Variants in RABL6 observed in about 807,000 individuals in gnomAD.
The protein encoded by RABL6 is RAB, member RAS oncogene family like 6, also known as rab-like protein 6.
A neutral mutation model predicts 72.9 loss-of-function variants in RABL6; 28 were observed. The observed-to-expected ratio is 0.38, with a 90% CI of 0.28 to 0.53. RABL6 has a LOEUF of 0.53. Among genes scored for constraint, RABL6 ranks in the 20% least tolerant of loss-of-function variants. The pLI is 0.80. For missense variants in RABL6, 1,029 were observed against 1,008.4 expected, an observed-to-expected ratio of 1.02 and a Z score of -0.28; for synonymous variants, 477 against 421.2, an observed-to-expected ratio of 1.13 and a Z score of -1.62.
intron 7 of RABL6, 53 bp downstream of exon 7, chr9:136,832,423 AG>A: frequency 3.6e-6 from 5 of 1,397,752 alleles, no homozygotes; most frequent in Non-Finnish European, 5.1e-6. Context: ...ACCTCCTTCC[AG>A]GTGTCTCCTG....
At chr9:136,838,453 C>G (rs1162876472) in intron 10 of RABL6, among the ~76,000 whole-genome samples, 1 of 152,236 alleles carries the variant, frequency 6.6e-6, no homozygotes, top group Non-Finnish European at 1.5e-5. Flanking sequence ...CCTCCCACCA[C>G]TCTGTCTGCC....
chr9:136,838,444 C>T (rs1454537676), intron 10 of RABL6, among the ~76,000 whole-genome samples: 2 of 152,210 alleles, frequency 1.3e-5, no homozygotes, highest in African/African-American at 4.8e-5. Context: ...CTGCCAGCCC[C>T]TCCCACCACT....
intron 1 of RABL6, chr9:136,813,817 G>A (rs1848063354): frequency 9.8e-6 from 2 of 205,052 alleles, no homozygotes; most frequent in Non-Finnish European, 9.9e-6. Flanking sequence ...GGGTTTCACC[G>A]TGTTAGCCAG....
At chr9:136,822,007 G>C (rs765228031) in intron 1 of RABL6, 20 of 1,289,756 alleles carry the variant, frequency 1.6e-5, no homozygotes, top group Non-Finnish European at 2.0e-5. Context: ...ACCTAGGATG[G>C]GCGAGGAAAT....
intron 7 of RABL6, chr9:136,834,557 T>C (rs189673564): frequency 8.8e-6 from 7 of 799,042 alleles, no homozygotes; most frequent in Admixed American, 6.2e-5. Flanking sequence ...TGCCTCACTG[T>C]AACCTCTGCC....
intron 1 of RABL6, chr9:136,808,700 CG>C (rs1250617719): frequency 6.5e-6 from 1 of 153,452 alleles, no homozygotes; most frequent in Non-Finnish European, 1.5e-5. Context: ...CGACGCTCCA[CG>C]GTGCCCAGCC....
At chr9:136,838,598 C>G (rs1848626053) in intron 10 of RABL6, among the ~76,000 whole-genome samples, 1 of 152,266 alleles carries the variant, frequency 6.6e-6, no homozygotes, top group Non-Finnish European at 1.5e-5. Context: ...TCCAGAAATA[C>G]ACAAAGGACA....
At chr9:136,817,719 G>T (rs1848149763) in intron 1 of RABL6, among the ~76,000 whole-genome samples, 1 of 152,134 alleles carries the variant, frequency 6.6e-6, no homozygotes, top group South Asian at 2.1e-4. Context: ...AATACTGAAG[G>T]TTATTCTTCA....
intron 3 of RABL6, 151 bp from the exon 4 acceptor site, chr9:136,828,343 C>T (rs1848400499): frequency 2.8e-6 from 2 of 723,096 alleles, no homozygotes; most frequent in Non-Finnish European, 4.8e-6. Flanking sequence ...TGCTCCAGAG[C>T]TTGTGGGTGC....
chr9:136,825,943 C>T (rs1848346303), intron 3 of RABL6, 117 bp downstream of exon 3: 22 of 1,229,612 alleles, frequency 1.8e-5, no homozygotes, highest in Non-Finnish European at 2.5e-5. Context: ...GGACGGTGCC[C>T]AGGGTCTTGC....
intron 4 of RABL6, 39 bp from the exon 5 acceptor site, chr9:136,829,354 G>C (rs754825561): frequency 2.7e-6 from 4 of 1,506,880 alleles, no homozygotes; most frequent in Non-Finnish European, 2.7e-6. Context: ...GTGGGGCCCA[G>C]CCTGGGCCAG....
intron 1 of RABL6, chr9:136,814,342 C>G (rs533277007): frequency 6.2e-6 from 1 of 160,872 alleles, no homozygotes; most frequent in Non-Finnish European, 1.3e-5. Context: ...CCACTACGCC[C>G]GGCTAATTTT....
Position 136,826,339 on chromosome 9 carries a change from C to T in RABL6, c.313+513C>T, listed in dbSNP as rs1450797068. Among the ~76,000 whole-genome samples, 1 of 152,170 alleles carries T rather than the reference C, an allele frequency of 6.6e-6. No individual in the cohort carries two copies. The highest frequency in any genetic ancestry group is 1.5e-5 in the Non-Finnish European group (1 of 68,014). On this transcript the variant is annotated intron_variant, in intron 3 of 14. Transcript: ENST00000311502. This position sits in a 1 kb window ranked among gnomAD's most constrained non-coding sequence, Gnocchi z 4.9. ...TCCTCAGCCACAAGGTCATGAGTTCCTCTAAGTCCTCAGGGTGGAGCTCAT... is the reference window on the plus strand; with the variant it reads ...TCCTCAGCCACAAGGTCATGAGTTCTTCTAAGTCCTCAGGGTGGAGCTCAT...
At chr9:136,830,167 G>A (rs1848442648) in intron 5 of RABL6, among the ~76,000 whole-genome samples, 1 of 152,254 alleles carries the variant, frequency 6.6e-6, no homozygotes, top group Admixed American at 6.5e-5. Context: ...ACACGTCCAG[G>A]CATCTGCTCT....
chr9:136,834,231 T>C, intron 7 of RABL6: 1 of 1,188,996 alleles, frequency 8.4e-7, no homozygotes, highest in South Asian at 3.7e-5. Flanking sequence ...GTTGTTTTTT[T>C]AACCTGACCG....
intron 1 of RABL6, chr9:136,814,770 A>G (rs947308789): frequency 6.6e-6 from 1 of 151,742 alleles, no homozygotes; most frequent in African/African-American, 2.4e-5. Context: ...AAAAAGGCAC[A>G]GTTGGTTCTG....
rs778151693 is a variant in RABL6, at chr9:136,837,846, G to A, written c.1127-16G>A. ...TCTGGTGCCGAGTGAAGAGGACCCG[G>A]CATCACTGTTCACAGAGCCAGTCCC... On this transcript the variant is annotated splice_polypyrimidine_tract_variant and intron_variant, in intron 9 of 14. Transcript: ENST00000311502. 4 of 1,547,804 alleles carry A rather than the reference G, an allele frequency of 2.6e-6. No homozygotes were observed. In the Admixed American group the frequency reaches 7.8e-5, roughly 30 times the overall value.
At chr9:136,834,783 TTTTTA>T (rs1347232813) in intron 7 of RABL6, among the ~76,000 whole-genome samples, 3 of 151,782 alleles carry the variant, frequency 2.0e-5, no homozygotes, top group African/African-American at 7.3e-5. Context: ...CAGCCTCACA[TTTTTA>T]TTTTAAAAAC....
intron 3 of RABL6, chr9:136,828,293 T>G (rs1848399586): frequency 1.7e-6 from 1 of 583,440 alleles, no homozygotes; most frequent in Admixed American, 2.9e-5. Flanking sequence ...GGCCCAGCCC[T>G]GCCTCCAGAG....
Sources: allele counts gnomAD v4.1 joint callset (sites outside exome capture counted in the v4.1 genomes callset), GRCh38; gene constraint gnomAD v4.1.1; non-coding constraint Gnocchi (gnomAD v3.1); transcripts MANE v1.5; gene names NCBI Gene and HGNC (gene_info 2026-07-23, HGNC 2026-07-21).